The following CNTN6 variants were observed in gnomAD, a reference collection of about 807,000 sequenced individuals.
CNTN6 encodes the protein contactin 6.
A neutral mutation model predicts 122.8 loss-of-function variants in CNTN6; 137 were observed. That is an observed-to-expected ratio of 1.12 (90% confidence interval 0.97 to 1.29). The LOEUF is 1.29. Ranked by LOEUF, CNTN6 falls within the 50% of genes most tolerant of loss-of-function variation. The pLI is 0.00. For synonymous variants in CNTN6, 570 were observed against 426.0 expected, an observed-to-expected ratio of 1.34 and a Z score of -4.16; for missense variants, 1,634 against 1,223.4, an observed-to-expected ratio of 1.34 and a Z score of -5.01.
chr3:1,094,689 G>A (rs919733302), intron 1 of CNTN6, among the ~76,000 whole-genome samples: 3 of 150,930 alleles, frequency 2.0e-5, no homozygotes, highest in African/African-American at 7.3e-5. Context: ...TCTGAGTTTA[G>A]AACCCCCTCT....
chr3:1,193,519 GATAACTACC>G (rs2093731883), intron 2 of CNTN6, among the ~76,000 whole-genome samples: 1 of 152,064 alleles, frequency 6.6e-6, no homozygotes, highest in Non-Finnish European at 1.5e-5. Context: ...ATGCTTACGT[GATAACTACC>G]ATATGGTCAC....
intron 4 of CNTN6, among the ~76,000 whole-genome samples, chr3:1,234,152 C>T (rs901581250): frequency 1.3e-5 from 2 of 152,144 alleles, no homozygotes; most frequent in African/African-American, 4.8e-5. Flanking sequence ...GGTCAACTAA[C>T]CTACAGCAGA....
intron 1 of CNTN6, among the ~76,000 whole-genome samples, chr3:1,109,388 A>C (rs963384364): frequency 1.3e-5 from 2 of 152,046 alleles, no homozygotes; most frequent in Non-Finnish European, 2.9e-5. Context: ...TTTATTGTTA[A>C]TCTTCTTGTT....
chr3:1,373,351 A>G (rs909770660), intron 14 of CNTN6, among the ~76,000 whole-genome samples: 3 of 152,110 alleles, frequency 2.0e-5, no homozygotes, highest in Non-Finnish European at 4.4e-5. Context: ...ATGGTTCTCA[A>G]TCTTTGAGTA....
chr3:1,279,404 C>G (rs1251038207), intron 5 of CNTN6, among the ~76,000 whole-genome samples: 1 of 152,130 alleles, frequency 6.6e-6, no homozygotes, highest in East Asian at 1.9e-4. Context: ...AGCTTAATAA[C>G]AGCAAGGACT....
chr3:1,386,228 C>G (rs1176623494), intron 20 of CNTN6, among the ~76,000 whole-genome samples: 1 of 151,366 alleles, frequency 6.6e-6, no homozygotes, highest in Non-Finnish European at 1.5e-5. Flanking sequence ...TAATAAGTGT[C>G]CAGTACACAC....
intron 1 of CNTN6, among the ~76,000 whole-genome samples, chr3:1,099,217 C>A (rs200218785): frequency 2.3e-4 from 35 of 151,824 alleles, no homozygotes; most frequent in Non-Finnish European, 3.7e-4. Flanking sequence ...TTTGGGAGGC[C>A]GAGGCGGGCG....
chr3:1,294,445 CAG>C (rs773607425), intron 5 of CNTN6, among the ~76,000 whole-genome samples: 20 of 152,020 alleles, frequency 1.3e-4, no homozygotes, highest in African/African-American at 3.6e-4. Flanking sequence ...TAGAAAAAAA[CAG>C]GGGAGGATTT....
intron 3 of CNTN6, 23 bp from the exon 4 acceptor site, chr3:1,227,795 C>T (rs778182049): frequency 3.2e-5 from 52 of 1,609,986 alleles, no homozygotes; most frequent in Non-Finnish European, 4.3e-5. Context: ...ATTATAAGCA[C>T]TTTATTTTTT....
Position 1,350,872 on chromosome 3 carries a change from A to G in CNTN6, c.1365-1452A>G, listed in dbSNP as rs553285140. Among the ~76,000 whole-genome samples, 208 of 151,964 alleles carry G rather than the reference A, an allele frequency of 1.4e-3. 1 individual carries two copies. Among genetic ancestry groups the G allele is most frequent in the African/African-American group, 4.9e-3 (204 of 41,528 alleles). On this transcript the variant is annotated intron_variant, in intron 11 of 22. Transcript: ENST00000446702. Reference sequence around the variant, plus strand: ...TCTCACATTTACCTCTTATAATTCAAATCAGATAAAGAATTATATTTGGCC... The same window carrying G: ...TCTCACATTTACCTCTTATAATTCAGATCAGATAAAGAATTATATTTGGCC...
At chr3:1,240,529 A>G (rs2094469365) in intron 4 of CNTN6, among the ~76,000 whole-genome samples, 1 of 152,066 alleles carries the variant, frequency 6.6e-6, no homozygotes, top group Admixed American at 6.6e-5. Flanking sequence ...AATAATAGAC[A>G]TTGGCATGGA....
At chr3:1,202,263 G>C (rs140186663) in intron 2 of CNTN6, among the ~76,000 whole-genome samples, 1 of 152,232 alleles carries the variant, frequency 6.6e-6, no homozygotes, top group Non-Finnish European at 1.5e-5. Context: ...TGTTTGGGCC[G>C]GGCGCGGTGG....
chr3:1,107,831 A>C (rs956183877), intron 1 of CNTN6, among the ~76,000 whole-genome samples: 2 of 152,084 alleles, frequency 1.3e-5, no homozygotes, highest in African/African-American at 4.8e-5. Context: ...ATATGCAATT[A>C]ATTGAGCTTG....
At chr3:1,226,438 T>C (rs2094284891) in intron 3 of CNTN6, among the ~76,000 whole-genome samples, 1 of 152,118 alleles carries the variant, frequency 6.6e-6, no homozygotes, top group African/African-American at 2.4e-5. Flanking sequence ...AGCAGGAAGA[T>C]CATTCTCACC....
chr3:1,387,122 G>T (rs1343646889), intron 20 of CNTN6, among the ~76,000 whole-genome samples: 4 of 151,146 alleles, frequency 2.6e-5, no homozygotes, highest in African/African-American at 7.3e-5. Context: ...TTATTAAATA[G>T]AAATTATCTC....
intron 1 of CNTN6, among the ~76,000 whole-genome samples, chr3:1,102,242 A>T (rs772545501): frequency 3.9e-5 from 6 of 152,156 alleles, no homozygotes; most frequent in Non-Finnish European, 8.8e-5. Context: ...GGAGCTCTAT[A>T]TGGAGACCGC....
Position 1,373,947 on chromosome 3 carries a change from A to G in CNTN6, c.1969A>G (p.Thr657Ala), listed in dbSNP as rs761526055. The change falls in exon 16 of 23, where the codon ACA becomes GCA. Residue 657 changes from threonine to alanine, a missense_variant. Thr to Ala is a moderately conservative substitution (Grantham distance 58). Coordinates refer to ENST00000446702, the MANE Select transcript of CNTN6 (RefSeq NM_001289080.2). ...AGTTCCAGAAATTCTCAATGGTAAG[A>G]CATACAATGCAACAGTGGTTGGTTT... The part of the protein sequence containing the change: ...ATVPEILNGK[T>A]YNATVVGLSP... 1.9e-6 allele frequency: 3 copies of G among 1,612,468 alleles called. No homozygotes were observed. Among genetic ancestry groups the G allele is most frequent in the Non-Finnish European group, 2.5e-6 (3 of 1,178,922 alleles).
intron 11 of CNTN6, among the ~76,000 whole-genome samples, chr3:1,336,895 A>AGGGAAAG (rs1703155884): frequency 6.7e-6 from 1 of 149,024 alleles, no homozygotes; most frequent in Non-Finnish European, 1.5e-5. Flanking sequence ...TAAAGATCGT[A>AGGGAAAG]GGGAAAGTGG....
intron 2 of CNTN6, among the ~76,000 whole-genome samples, chr3:1,184,329 T>C (rs777442680): frequency 2.6e-5 from 4 of 152,162 alleles, no homozygotes; most frequent in African/African-American, 9.6e-5. Context: ...AAAAGTGTAA[T>C]AGAAGAAGTA....
Sources: gnomAD v4.1 joint callset for allele counts (sites outside exome capture counted in the v4.1 genomes callset) on GRCh38, gnomAD v4.1.1 for gene constraint, MANE v1.5 for transcripts, NCBI Gene and HGNC (gene_info 2026-07-23, HGNC 2026-07-21) for gene names.